The following PDE1A variants were observed in gnomAD, a reference collection of about 807,000 sequenced individuals.
The protein encoded by PDE1A is phosphodiesterase 1A, also known as dual specificity calcium/calmodulin-dependent 3',5'-cyclic nucleotide phosphodiesterase 1A.
A neutral mutation model predicts 61.7 loss-of-function variants in PDE1A; 35 were observed. The ratio of observed to expected loss-of-function variants is 0.57; its 90% CI spans 0.43 to 0.75. The LOEUF (loss-of-function observed/expected upper bound fraction) is 0.75. PDE1A is among the 30% of genes least tolerant of loss of function. The pLI is 0.00. For missense variants in PDE1A, 597 were observed against 630.6 expected, an observed-to-expected ratio of 0.95 and a Z score of 0.57; for synonymous variants, 232 against 213.2, an observed-to-expected ratio of 1.09 and a Z score of -0.77.
chr2:182,197,582 TAGGTAGGGGACAA>T (rs1174858785), intron 10 of PDE1A, among the ~76,000 whole-genome samples: 1 of 151,848 alleles, frequency 6.6e-6, no homozygotes, highest in Non-Finnish European at 1.5e-5. Context: ...TGTTAAGGTG[TAGGTAGGGGACAA>T]GTTTCCTTTT....
At chr2:182,540,674 T>C in the PDE1A span, among the ~76,000 whole-genome samples, 1 of 152,212 alleles carries the variant, frequency 6.6e-6, no homozygotes, top group African/African-American at 2.4e-5. Context: ...AAATTATATA[T>C]GATCTTGACT....
Position 182,148,176 on chromosome 2 carries a change from C to T in PDE1A, c.1517-1024G>A, listed in dbSNP as rs562559519. Among the ~76,000 whole-genome samples, 99 of 152,234 alleles carry T rather than the reference C, an allele frequency of 6.5e-4. 1 individual carries two copies. Among genetic ancestry groups the T allele is most frequent in the African/African-American group, 2.2e-3 (91 of 41,546 alleles). On this transcript the variant is annotated intron_variant, in intron 13 of 13. Transcript: ENST00000409365. ...TAAGTTGCCAAAATCTCAAATCAGA[C>T]AATAGAAGGTCTGGTCTCATGTAAT...
intron 2 of PDE1A, among the ~76,000 whole-genome samples, chr2:182,499,527 G>A (rs1450645867): frequency 6.6e-6 from 1 of 152,088 alleles, no homozygotes; most frequent in Admixed American, 6.5e-5. Context: ...CCCGGACTAA[G>A]GTTATTATCA....
At chr2:182,169,922 GCACA>G (rs1052290375) in intron 13 of PDE1A, among the ~76,000 whole-genome samples, 63 of 87,752 alleles carry the variant, frequency 7.2e-4, no homozygotes, top group Non-Finnish European at 1.2e-3. Flanking sequence ...ACACACACAC[GCACA>G]CACACACACA....
chr2:182,429,548 A>G (rs578112502), upstream of PDE1A, among the ~76,000 whole-genome samples: 50 of 152,180 alleles, frequency 3.3e-4, 3 homozygotes, highest in South Asian at 0.01. Context: ...GTTCACACAC[A>G]TACCCTACCC....
At chr2:182,595,210 G>T in the PDE1A span, among the ~76,000 whole-genome samples, 2 of 152,064 alleles carry the variant, frequency 1.3e-5, no homozygotes, top group African/African-American at 4.8e-5. Flanking sequence ...AATTGAGGAA[G>T]AAAATGCTTT....
upstream of PDE1A, among the ~76,000 whole-genome samples, chr2:182,428,338 C>G (rs942913896): frequency 5.9e-5 from 9 of 152,080 alleles, no homozygotes; most frequent in African/African-American, 2.2e-4. Flanking sequence ...TCGCCTGCTT[C>G]TTGCAAAGAA....
chr2:182,565,616 G>A, the PDE1A span, among the ~76,000 whole-genome samples: 5 of 151,974 alleles, frequency 3.3e-5, no homozygotes, highest in African/African-American at 2.4e-5. Flanking sequence ...ATCTGCCTTC[G>A]ATACATCTGG....
the PDE1A span, among the ~76,000 whole-genome samples, chr2:182,584,207 C>T: frequency 6.6e-6 from 1 of 151,664 alleles, no homozygotes; most frequent in African/African-American, 2.4e-5. Flanking sequence ...AAAGGCAGCT[C>T]TAGAGATCTT....
intron 1 of PDE1A, among the ~76,000 whole-genome samples, chr2:182,421,436 A>G (rs1703273260): frequency 6.6e-6 from 1 of 152,188 alleles, no homozygotes; most frequent in Non-Finnish European, 1.5e-5. Flanking sequence ...GAGTTATCCA[A>G]AAGATTACAT....
intron 1 of PDE1A, among the ~76,000 whole-genome samples, chr2:182,335,709 C>A (rs1250111973): frequency 6.6e-6 from 1 of 152,064 alleles, no homozygotes; most frequent in Non-Finnish European, 1.5e-5. Context: ...TAGGCATGGG[C>A]AAATCTTCAT....
chr2:182,681,335 T>G, the PDE1A span, among the ~76,000 whole-genome samples: 1 of 144,420 alleles, frequency 6.9e-6, no homozygotes, highest in East Asian at 2.0e-4. Flanking sequence ...AGAGAGAGAG[T>G]CTTGCTCTGT....
chr2:182,527,861 T>C (rs971548083), upstream of PDE1A, among the ~76,000 whole-genome samples: 3 of 152,124 alleles, frequency 2.0e-5, no homozygotes, highest in African/African-American at 7.2e-5. Context: ...TGTAAGCCTT[T>C]TGCTTGGCTC....
At chr2:182,243,775 A>G (rs150445297) in intron 2 of PDE1A, among the ~76,000 whole-genome samples, 35 of 152,322 alleles carry the variant, frequency 2.3e-4, no homozygotes, top group African/African-American at 7.0e-4. Context: ...GAAGTTCACT[A>G]CTTTTCAAAG....
intron 13 of PDE1A, among the ~76,000 whole-genome samples, chr2:182,154,584 T>C (rs1345124661): frequency 6.6e-6 from 1 of 152,132 alleles, no homozygotes; most frequent in African/African-American, 2.4e-5. Context: ...CGAGATCTGA[T>C]GGTTTAATAA....
At chr2:182,627,066 T>TATTTAATATATTCTTA in the PDE1A span, among the ~76,000 whole-genome samples, 3 of 18,650 alleles carry the variant, frequency 1.6e-4, no homozygotes, top group Non-Finnish European at 3.2e-4. Context: ...ATATAATATA[T>TATTTAATATATTCTTA]TATTTATATA....
intron 1 of PDE1A, among the ~76,000 whole-genome samples, chr2:182,267,225 C>T (rs1412040931): frequency 6.6e-6 from 1 of 152,054 alleles, no homozygotes; most frequent in Non-Finnish European, 1.5e-5. Flanking sequence ...TGAACATGCC[C>T]TTTCACACAG....
At chr2:182,563,655 G>T in the PDE1A span, among the ~76,000 whole-genome samples, 5 of 152,126 alleles carry the variant, frequency 3.3e-5, no homozygotes, top group East Asian at 9.6e-4. Context: ...TGACAGTGGG[G>T]TGTTAAAGTC....
At chr2:182,250,632 CT>C (rs1010724511) in intron 2 of PDE1A, among the ~76,000 whole-genome samples, 8 of 148,902 alleles carry the variant, frequency 5.4e-5, no homozygotes, top group Admixed American at 1.3e-4. Context: ...CTCGACCCAA[CT>C]TTTTTTTTTA....
Sources: allele counts gnomAD v4.1 joint callset (sites outside exome capture counted in the v4.1 genomes callset), GRCh38; gene constraint gnomAD v4.1.1; transcripts MANE v1.5; gene names NCBI Gene and HGNC (gene_info 2026-07-23, HGNC 2026-07-21).